Variants in XYLT1 observed in about 807,000 individuals in gnomAD.
The protein encoded by XYLT1 is beta-D-xylosyltransferase 1.
XYLT1 carries 36 observed loss-of-function variants against 91.3 expected under a neutral mutation model. That is an observed-to-expected ratio of 0.39 (90% CI 0.30 to 0.52). XYLT1 has a LOEUF of 0.52. Ranked by LOEUF, XYLT1 falls within the 20% of genes least tolerant of loss-of-function variation. The probability of loss-of-function intolerance (pLI) is 0.68; values close to 1 mark genes in which losing one functional copy is unlikely to be tolerated. For synonymous variants in XYLT1, 588 were observed against 532.0 expected, an observed-to-expected ratio of 1.11 and a Z score of -1.45; for missense variants, 1,242 against 1,284.5, an observed-to-expected ratio of 0.97 and a Z score of 0.51.
chr16:17,227,903 A>G (rs2033094813), intron 3 of XYLT1: 1 of 152,246 alleles, frequency 6.6e-6, no homozygotes, highest in African/African-American at 2.4e-5. Context: ...AGTAGAAATA[A>G]CAGAGACTCT....
intron 2 of XYLT1, among the ~76,000 whole-genome samples, chr16:17,299,257 C>A (rs558809630): frequency 6.6e-6 from 1 of 152,108 alleles, no homozygotes; most frequent in African/African-American, 2.4e-5. Context: ...CAGCTCCATG[C>A]CTTTATCAAC....
chr16:17,384,369 G>A (rs1420575786), intron 1 of XYLT1, among the ~76,000 whole-genome samples: 7 of 151,696 alleles, frequency 4.6e-5, no homozygotes, highest in East Asian at 4.0e-4. Flanking sequence ...GGCCAGACCC[G>A]GTTTTCAGGG....
intron 3 of XYLT1, among the ~76,000 whole-genome samples, chr16:17,226,580 GT>G (rs2033070154): frequency 6.6e-6 from 1 of 152,184 alleles, no homozygotes; most frequent in Admixed American, 6.5e-5. Flanking sequence ...CTGAGGTCAG[GT>G]GTTTGAGACA....
At chr16:17,253,693 C>T (rs2033580449) in intron 3 of XYLT1, among the ~76,000 whole-genome samples, 1 of 152,136 alleles carries the variant, frequency 6.6e-6, no homozygotes. Flanking sequence ...CAAAGTCCTA[C>T]AGCTTGTGCA....
rs1482105744 is a variant in XYLT1, at chr16:17,105,734, T to C, written c.*2961A>G. On this transcript the variant is annotated 3_prime_UTR_variant, in exon 12 of 12. Transcript: ENST00000261381. ...TGGCTCAGCTCACAGCTGCAGGCTG[T>C]AATAGGTTTCCAGAGACCACAGCCC... 1 of 152,192 alleles carries C rather than the reference T, an allele frequency of 6.6e-6. No homozygotes were observed. Among genetic ancestry groups the C allele is most frequent in the Non-Finnish European group, 1.5e-5 (1 of 68,042 alleles). The allele number at this position is 152,192 out of a possible 1,614,324, so 9.4% of individuals were successfully genotyped here. A position where few individuals can be genotyped will look rare whatever the true frequency, so the allele number is the denominator to read the frequency against.
At chr16:17,356,257 T>A (rs183074376) in intron 2 of XYLT1, among the ~76,000 whole-genome samples, 1 of 152,264 alleles carries the variant, frequency 6.6e-6, no homozygotes, top group East Asian at 1.9e-4. Flanking sequence ...GAAAAATGTA[T>A]TTTTAGGTGA....
chr16:17,253,422 C>T (rs2033576189), intron 3 of XYLT1, among the ~76,000 whole-genome samples: 1 of 152,186 alleles, frequency 6.6e-6, no homozygotes. Context: ...CAAACTCACA[C>T]TGCAAAGCCA....
At position 17,104,409 on chromosome 16, in the gene XYLT1, A is replaced by G. The variant is rs1397579093; in HGVS notation, c.*4286T>C. ...ACAATCTTGGGACCAGGAGAGCTGA[A>G]TGATCCATCCCCCCTCTGTGGAATG... On this transcript the variant is annotated 3_prime_UTR_variant, in exon 12 of 12. Transcript: ENST00000261381. 1.3e-5 allele frequency: 2 copies of G among 152,230 alleles called. No individual in the cohort carries two copies. Among genetic ancestry groups the G allele is most frequent in the Non-Finnish European group, 2.9e-5 (2 of 68,068 alleles). 9.4% of individuals were successfully genotyped at this position (152,230 alleles called of 1,614,324 possible). A position where few individuals can be genotyped will look rare whatever the true frequency, so the allele number is the denominator to read the frequency against.
chr16:17,393,441 A>T (rs560385857), intron 1 of XYLT1, among the ~76,000 whole-genome samples: 2 of 152,160 alleles, frequency 1.3e-5, no homozygotes, highest in South Asian at 4.1e-4. Context: ...AATTCTCATC[A>T]TCCCCCCCAA....
intron 3 of XYLT1, among the ~76,000 whole-genome samples, chr16:17,239,340 T>C (rs892976149): frequency 7.1e-6 from 1 of 140,944 alleles, no homozygotes; most frequent in Non-Finnish European, 1.5e-5. Context: ...CCATCATCCA[T>C]CCATCCACTC....
At chr16:17,210,940 C>T (rs2032745068) in intron 3 of XYLT1, among the ~76,000 whole-genome samples, 1 of 152,224 alleles carries the variant, frequency 6.6e-6, no homozygotes, top group Non-Finnish European at 1.5e-5. Flanking sequence ...GCATCTCCAG[C>T]AGGTAACAGG....
chr16:17,217,961 A>T (rs868308402), intron 3 of XYLT1, among the ~76,000 whole-genome samples: 83 of 151,270 alleles, frequency 5.5e-4, no homozygotes, highest in African/African-American at 1.2e-3. Flanking sequence ...TAATAATAAA[A>T]AAAAAAAAAG....
chr16:17,358,425 C>A (rs1381143766), intron 1 of XYLT1, among the ~76,000 whole-genome samples: 1 of 152,276 alleles, frequency 6.6e-6, no homozygotes, highest in African/African-American at 2.4e-5. Flanking sequence ...GCATGAGCCA[C>A]CACGCCAAGC....
intron 3 of XYLT1, among the ~76,000 whole-genome samples, chr16:17,202,566 C>T (rs1200507441): frequency 3.3e-5 from 5 of 152,136 alleles, no homozygotes; most frequent in Admixed American, 1.3e-4. Flanking sequence ...CTGGAACGCC[C>T]TCTCCCCAGA....
rs550838236 is a variant in XYLT1 at position 17,452,020 on chromosome 16, G to T, written c.363+18414C>A. ...GCTAAGTGATAACTTCCCCTAACCC[G>T]CCCATCCTAATAACATGAAACCAGT... is the stretch of plus-strand genomic sequence containing the variant. On this transcript the variant is annotated intron_variant, in intron 1 of 11. Transcript: ENST00000261381. 2.6e-5 allele frequency among the ~76,000 whole-genome samples: 4 copies of T among 152,226 alleles called. No homozygotes were observed. The South Asian group carries it at 8.3e-4, about 32-fold the overall frequency.
At chr16:17,120,588 C>T (rs1416048927) in intron 10 of XYLT1, among the ~76,000 whole-genome samples, 1 of 152,142 alleles carries the variant, frequency 6.6e-6, no homozygotes, top group Admixed American at 6.5e-5. Flanking sequence ...ACTCATAAGT[C>T]TTTCCTGGAT....
chr16:17,409,949 T>C (rs1403673228), intron 1 of XYLT1, among the ~76,000 whole-genome samples: 3 of 152,174 alleles, frequency 2.0e-5, no homozygotes, highest in Non-Finnish European at 4.4e-5. Context: ...TCCTGAATAA[T>C]GCAAGATGAT....
intron 1 of XYLT1, among the ~76,000 whole-genome samples, chr16:17,361,431 T>C (rs939936487): frequency 1.3e-5 from 2 of 152,236 alleles, no homozygotes; most frequent in Admixed American, 1.3e-4. Flanking sequence ...ACTGATATAC[T>C]TTCTAAACAC....
At chr16:17,188,183 G>A (rs939584352) in intron 5 of XYLT1, among the ~76,000 whole-genome samples, 6 of 152,064 alleles carry the variant, frequency 3.9e-5, no homozygotes, top group Non-Finnish European at 7.4e-5. Flanking sequence ...TGGCTCTGGG[G>A]TCAGTAGAAG....
Sources: gnomAD v4.1 joint callset for allele counts (sites outside exome capture counted in the v4.1 genomes callset) on GRCh38, gnomAD v4.1.1 for gene constraint, MANE v1.5 for transcripts, NCBI Gene and HGNC (gene_info 2026-07-23, HGNC 2026-07-21) for gene names.